The following LONRF2 variants were observed in gnomAD, a reference collection of about 807,000 sequenced individuals.
LONRF2 encodes the protein LON peptidase N-terminal domain and ring finger 2, also known as LON peptidase N-terminal domain and RING finger protein 2.
In LONRF2, 35 loss-of-function variants were observed where a neutral mutation model predicts 66.6. The ratio of observed to expected loss-of-function variants is 0.53; its 90% CI spans 0.40 to 0.70. LONRF2 has a LOEUF of 0.70. LONRF2 is among the 30% of genes least tolerant of loss of function. LONRF2 has a pLI of 0.00. For missense variants in LONRF2, 902 were observed against 1,002.1 expected (o/e 0.90, Z 1.35); for synonymous variants, 417 against 418.1 (o/e 1.00, Z 0.03).
chr2:100,311,780 A>G (rs953610497), intron 1 of LONRF2, among the ~76,000 whole-genome samples: 1 of 152,156 alleles, frequency 6.6e-6, no homozygotes, highest in Non-Finnish European at 1.5e-5. Context: ...AATTTTATAG[A>G]CTGCTTTCAG....
At chr2:100,305,696 G>A (rs1675276955) in intron 2 of LONRF2, among the ~76,000 whole-genome samples, 1 of 152,130 alleles carries the variant, frequency 6.6e-6, no homozygotes, top group Admixed American at 6.6e-5. Context: ...TCATCCCTGA[G>A]CTCCCTGAAG....
intron 9 of LONRF2, among the ~76,000 whole-genome samples, chr2:100,290,877 G>A (rs551518066): frequency 1.2e-4 from 19 of 152,260 alleles, no homozygotes; most frequent in African/African-American, 4.3e-4. Flanking sequence ...ATGCTACCAC[G>A]TGCCAAGCAA....
rs1018820050 is a variant in LONRF2 at position 100,322,460 on chromosome 2, TTGCGA to T, written c.-372_-368del. On this transcript the variant is annotated 5_prime_UTR_variant, in exon 1 of 12. Transcript: ENST00000393437. ...TGACCGCGCTCCAGGTCCGCGTCTC[TTGCGA>T]TGCTTCCCCCACTCGCCTGAGGGCT... 11 of 169,912 alleles carry T rather than the reference TTGCGA, an allele frequency of 6.5e-5. No individual in the cohort carries two copies. Among genetic ancestry groups the T allele is most frequent in the Non-Finnish European group, 1.4e-4 (11 of 79,996 alleles). The allele number at this position is 169,912 out of a possible 1,614,324, so 10.5% of individuals were successfully genotyped here.
chr2:100,301,630 G>T (rs577308802), intron 3 of LONRF2, among the ~76,000 whole-genome samples: 1 of 152,322 alleles, frequency 6.6e-6, no homozygotes, highest in East Asian at 1.9e-4. Context: ...TTTTGGTACC[G>T]TCTGTGATAC....
intron 9 of LONRF2, 49 bp from the exon 10 acceptor site, chr2:100,290,469 G>C (rs1355014676): frequency 1.3e-6 from 2 of 1,548,624 alleles, no homozygotes; most frequent in African/African-American, 1.4e-5. Context: ...AATGCAGGGG[G>C]CCTTCTTTTT....
At chr2:100,314,536 A>T (rs1032836809) in intron 1 of LONRF2, among the ~76,000 whole-genome samples, 2 of 152,114 alleles carry the variant, frequency 1.3e-5, no homozygotes, top group African/African-American at 4.8e-5. Context: ...TCTCAGTAAG[A>T]TATTTGTATA....
At chr2:100,300,498 C>T (rs1675163436) in intron 4 of LONRF2, 146 bp downstream of exon 4, 1 of 676,082 alleles carries the variant, frequency 1.5e-6, no homozygotes, top group Non-Finnish European at 2.3e-6. Flanking sequence ...GTTCCAACTC[C>T]CAGGTTGAGG....
At chr2:100,304,626 T>G (rs1183116232) in intron 2 of LONRF2, among the ~76,000 whole-genome samples, 1 of 31,240 alleles carries the variant, frequency 3.2e-5, no homozygotes, top group African/African-American at 1.8e-4. Context: ...TAGTTGACTG[T>G]TTTTTTTTTT....
At chr2:100,288,002 A>G (rs1674881805) in intron 10 of LONRF2, among the ~76,000 whole-genome samples, 1 of 152,242 alleles carries the variant, frequency 6.6e-6, no homozygotes, top group African/African-American at 2.4e-5. Context: ...TACAAATCAA[A>G]TATTCATATG....
rs191476320 is a variant in LONRF2 at position 100,318,739 on chromosome 2, G to A, written c.679+2676C>T. 3.3e-5 allele frequency among the ~76,000 whole-genome samples: 5 copies of A among 151,460 alleles called. No homozygotes were observed. The East Asian group carries it at 9.8e-4, about 30-fold the overall frequency. The stretch of plus-strand genomic sequence containing the variant: ...CCAGTTACCTGAGAGGCTGAGGCAC[G>A]AGAATCACCCTTGAACCCAGGAGGC... On this transcript the variant is annotated intron_variant, in intron 1 of 11. Transcript: ENST00000393437.
intron 2 of LONRF2, 27 bp downstream of exon 2, chr2:100,309,080 A>G (rs926654279): frequency 7.2e-7 from 1 of 1,389,744 alleles, no homozygotes; most frequent in East Asian, 2.3e-5. Context: ...CACATTGATT[A>G]TCTCCAAAGC....
intron 7 of LONRF2, among the ~76,000 whole-genome samples, chr2:100,298,291 A>G (rs1675112356): frequency 6.6e-6 from 1 of 152,218 alleles, no homozygotes; most frequent in African/African-American, 2.4e-5. Flanking sequence ...TTGGGGCTAA[A>G]TATCATTAAA....
In LONRF2 at chr2:100,272,924, T is replaced by C. The variant is rs4851282; in HGVS notation, c.*11374A>G. Among the ~76,000 whole-genome samples the C allele has an allele frequency of 0.22, 33,657 of 152,190 alleles. 4,079 individuals carry two copies. Among genetic ancestry groups the C allele is most frequent in the Admixed American group, 0.32 (4,894 of 15,284 alleles). On this transcript the variant is annotated 3_prime_UTR_variant, in exon 12 of 12. Coordinates refer to ENST00000393437, the MANE Select transcript of LONRF2 (RefSeq NM_198461.4). ...TTGGAATCGTTCCACATCTGCACTG[T>C]GTTGAATACTGTTCCTCTAAAATTC... is the stretch of plus-strand genomic sequence containing the variant.
intron 10 of LONRF2, among the ~76,000 whole-genome samples, chr2:100,288,010 A>T (rs1674881902): frequency 6.6e-6 from 1 of 152,222 alleles, no homozygotes; most frequent in Non-Finnish European, 1.5e-5. Flanking sequence ...AAATATTCAT[A>T]TGTGATAGAG....
intron 1 of LONRF2, among the ~76,000 whole-genome samples, chr2:100,318,204 C>T (rs752320568): frequency 8.5e-5 from 13 of 152,170 alleles, no homozygotes; most frequent in Non-Finnish European, 1.3e-4. Flanking sequence ...TGAGTTTTCT[C>T]ATTCAGATTT....
chr2:100,284,360 T>C lies in LONRF2; in HGVS notation c.2203A>G (p.Ile735Val). ...RLLAIRRILV[I>V]ITRKMNSRQE... ...CGACTATTCATCTTACGCGTGATGA[T>C]GACTAATATCCGTCGGATGGCAAGG... Residue 735 changes from isoleucine to valine, a missense_variant, in exon 12 of 12, where the codon ATC (isoleucine) becomes GTC (valine). By Grantham distance (29) the Ile-to-Val change is conservative. Transcript: ENST00000393437. 2 of 1,595,204 alleles carry C rather than the reference T, an allele frequency of 1.3e-6. No homozygotes were observed. The highest frequency in any genetic ancestry group is 1.1e-5 in the South Asian group (1 of 87,644).
chr2:100,304,304 C>T (rs1321093113), intron 2 of LONRF2, among the ~76,000 whole-genome samples: 1 of 129,402 alleles, frequency 7.7e-6, no homozygotes, highest in Non-Finnish European at 1.6e-5. Flanking sequence ...ACATGCCACC[C>T]TGCCTGGCTA....
At chr2:100,308,262 C>G (rs896223240) in intron 2 of LONRF2, among the ~76,000 whole-genome samples, 1 of 151,716 alleles carries the variant, frequency 6.6e-6, no homozygotes, top group Admixed American at 6.6e-5. Flanking sequence ...CCCAGCTATG[C>G]GGGAGGCTGA....
intron 4 of LONRF2, 127 bp downstream of exon 4, chr2:100,300,517 C>T (rs758275211): frequency 1.2e-4 from 104 of 868,978 alleles, no homozygotes; most frequent in Non-Finnish European, 1.6e-4. Context: ...GGAGCTACAA[C>T]TGGTCTTGAG....
Sources: allele counts gnomAD v4.1 joint callset (sites outside exome capture counted in the v4.1 genomes callset), GRCh38; gene constraint gnomAD v4.1.1; transcripts MANE v1.5; gene names NCBI Gene and HGNC (gene_info 2026-07-23, HGNC 2026-07-21).